The following ZNF469 variants were observed in gnomAD, a reference collection of about 807,000 sequenced individuals.
The protein encoded by ZNF469 is zinc finger protein 469.
In ZNF469, 1 loss-of-function variant was observed where a neutral mutation model predicts 1.0. The ratio of observed to expected loss-of-function variants is 1.00; its 90% CI spans 0.35 to 4.73. The LOEUF (loss-of-function observed/expected upper bound fraction) is 4.73. Among genes scored for constraint, ZNF469 ranks in the 30% most tolerant of loss-of-function variants. ZNF469 has a pLI of 0.16. For synonymous variants in ZNF469, 2,703 were observed against 2,363.4 expected (o/e 1.14, Z -4.17); for missense variants, 6,100 against 5,356.3 (o/e 1.14, Z -4.33).
chr16:88,428,084 C>T lies in ZNF469; in HGVS notation c.614C>T (p.Pro205Leu), dbSNP rs752980662. 6.5e-7 allele frequency: 1 copy of T among 1,549,926 alleles called. No individual in the cohort carries two copies. The highest frequency in any genetic ancestry group is 1.4e-5 in the African/African-American group (1 of 73,030). Reference protein sequence around the residue: ...NYTSPSATPRPPAPGPPQSRG... With the variant: ...NYTSPSATPRLPAPGPPQSRG... ...ACCTCACCAAGCGCCACCCCCAGGC[C>T]CCCAGCCCCGGGGCCCCCCCAGAGC... Residue 205 changes from proline to leucine, a missense_variant, in exon 3 of 3, where the codon CCC becomes CTC. Physicochemically the swap from Pro to Leu is moderately conservative, Grantham distance 98 (BLOSUM62 -3). Transcript: ENST00000565624.
At chr16:88,125,077 G>T in the ZNF469 span, among the ~76,000 whole-genome samples, 6 of 152,048 alleles carry the variant, frequency 3.9e-5, no homozygotes, top group African/African-American at 1.5e-4. Context: ...GTGAGGTGGG[G>T]TTCATATTTT....
At chr16:88,383,758 A>G in intron 1 of ZNF469, among the ~76,000 whole-genome samples, 1 of 151,796 alleles carries the variant, frequency 6.6e-6, no homozygotes, top group East Asian at 1.9e-4. Flanking sequence ...AGCGCGGCAT[A>G]GGCTTGCGAG....
Position 88,431,082 on chromosome 16 carries a change from G to T in ZNF469, c.3612G>T (p.Gln1204His). ...CAGTGGCCCCCAAGGATCCCCTGCA[G>T]GTCCCCACCAACACCGAGACCTCAG... Reference protein sequence around the residue: ...RPSVAPKDPLQVPTNTETSEE... With the variant: ...RPSVAPKDPLHVPTNTETSEE... Residue 1204 changes from glutamine to histidine, a missense_variant, in exon 3 of 3, where the codon CAG (glutamine) becomes CAT (histidine). Physicochemically the swap from Gln to His is conservative, Grantham distance 24. Transcript: ENST00000565624. 1 of 1,550,036 alleles carries T rather than the reference G, an allele frequency of 6.5e-7. No individual in the cohort carries two copies. Among genetic ancestry groups the T allele is most frequent in the Non-Finnish European group, 8.7e-7 (1 of 1,146,910 alleles).
the ZNF469 span, among the ~76,000 whole-genome samples, chr16:88,221,493 G>A: frequency 6.6e-6 from 1 of 152,352 alleles, no homozygotes; most frequent in South Asian, 2.1e-4. Flanking sequence ...AAGAATGCAT[G>A]GTCTCAGGGG....
chr16:88,402,147 G>A (rs62047077), intron 1 of ZNF469, among the ~76,000 whole-genome samples: 101,345 of 149,860 alleles, frequency 0.68, 34,545 homozygotes, highest in African/African-American at 0.82. Flanking sequence ...GAATGCATGG[G>A]TAGATGGATG....
rs1383959433 is a variant in ZNF469 at position 88,435,887 on chromosome 16, C to G, written c.8417C>G (p.Ser2806Cys). Reference sequence around the variant, plus strand: ...GGCCCCCTGGGTTTTCCCGAGACTTCCAGCTCTCCGGCGGACAGCACCACC... The same window carrying G: ...GGCCCCCTGGGTTTTCCCGAGACTTGCAGCTCTCCGGCGGACAGCACCACC... Reference protein sequence around the residue: ...PLGPLGFPETSSSPADSTTSS... With the variant: ...PLGPLGFPETCSSPADSTTSS... Residue 2806 changes from serine (S) to cysteine (C), a missense_variant, in exon 3 of 3, where the codon TCC (serine) becomes TGC (cysteine). Physicochemically the swap from Ser to Cys is moderately radical, Grantham distance 112. Transcript: ENST00000565624. 2 of 1,550,058 alleles carry G rather than the reference C, an allele frequency of 1.3e-6. No homozygotes were observed. The highest frequency in any genetic ancestry group is 2.4e-5 in the East Asian group (1 of 40,936).
In ZNF469 at chr16:88,437,434, C is replaced by G; in HGVS notation, c.9964C>G (p.Leu3322Val). ...SPDPWAGGEP[L>V]LQATPVHEAC... Reference sequence around the variant, plus strand: ...CGACCCCTGGGCCGGCGGGGAGCCCCTCCTGCAAGCCACCCCGGTGCACGA... The same window carrying G: ...CGACCCCTGGGCCGGCGGGGAGCCCGTCCTGCAAGCCACCCCGGTGCACGA... The change falls in exon 3 of 3, where the codon CTC becomes GTC. Residue 3322 changes from leucine to valine, a missense_variant. Leu to Val is a conservative substitution (Grantham distance 32). Coordinates refer to ENST00000565624, the MANE Select transcript of ZNF469 (RefSeq NM_001367624.2). 6.6e-7 allele frequency: 1 copy of G among 1,523,270 alleles called. No individual in the cohort carries two copies. Among genetic ancestry groups the G allele is most frequent in the Non-Finnish European group, 8.8e-7 (1 of 1,131,656 alleles). The allele number at this position is 1,523,270 out of a possible 1,614,324, so 94.4% of individuals were successfully genotyped here.
At chr16:88,281,376 T>A in the ZNF469 span, among the ~76,000 whole-genome samples, 1 of 150,004 alleles carries the variant, frequency 6.7e-6, no homozygotes, top group Non-Finnish European at 1.5e-5. Context: ...GTCAGTACCA[T>A]GTAGATATCA....
rs1905993451 is a variant in ZNF469 at position 88,429,714 on chromosome 16, C to T, written c.2244C>T (p.Ala748=). The change falls in exon 3 of 3, where the codon GCC becomes GCT. Residue 748 remains alanine, a synonymous_variant. Transcript: ENST00000565624. ...ACAGCAGCCTGGCGGCCTTCCTGGC[C>T]CACCGGCAGTTCTGTGGCCTGCTCC... The part of the protein sequence containing the change: ...RNYSSLAAFL[A]HRQFCGLLLA... The T allele has an allele frequency of 6.5e-7, 1 of 1,543,472 alleles. No homozygotes were observed. The highest frequency in any genetic ancestry group is 8.8e-7 in the Non-Finnish European group (1 of 1,142,846).
At chr16:88,185,980 GAC>G in the ZNF469 span, among the ~76,000 whole-genome samples, 3,813 of 152,204 alleles carry the variant, frequency 0.025, 113 homozygotes, top group East Asian at 0.086. Flanking sequence ...CTCGTGCCCA[GAC>G]ACACACACTC....
the ZNF469 span, among the ~76,000 whole-genome samples, chr16:88,319,375 G>A: frequency 4.5e-4 from 69 of 152,272 alleles, no homozygotes; most frequent in African/African-American, 1.7e-3. Context: ...ACTTTCTTGG[G>A]CGGAGCCACA....
chr16:88,264,058 G>A, the ZNF469 span, among the ~76,000 whole-genome samples: 7 of 152,008 alleles, frequency 4.6e-5, no homozygotes, highest in African/African-American at 1.7e-4. Context: ...CATGGAGCTC[G>A]GCCCCTGGGA....
At chr16:88,348,609 G>A in the ZNF469 span, among the ~76,000 whole-genome samples, 6,961 of 152,234 alleles carry the variant, frequency 0.046, 514 homozygotes, top group African/African-American at 0.16. Context: ...CCAGTGGACC[G>A]GGTCAAACAG....
At chr16:88,419,455 TCA>T (rs983617903) in intron 1 of ZNF469, among the ~76,000 whole-genome samples, 3 of 152,144 alleles carry the variant, frequency 2.0e-5, no homozygotes, top group Non-Finnish European at 4.4e-5. Flanking sequence ...TCTGTGAGCC[TCA>T]GTTTCCCCCA....
chr16:88,238,644 C>T, the ZNF469 span, among the ~76,000 whole-genome samples: 432 of 152,326 alleles, frequency 2.8e-3, 1 homozygote, highest in Non-Finnish European at 4.8e-3. Flanking sequence ...ATGTATATAT[C>T]TGAGAACATT....
chr16:88,188,320 A>G, the ZNF469 span, among the ~76,000 whole-genome samples: 1 of 152,006 alleles, frequency 6.6e-6, no homozygotes, highest in African/African-American at 2.4e-5. Flanking sequence ...GGTAGCATCT[A>G]GCACATCTTG....
At chr16:88,406,078 AG>A (rs1905020825) in intron 1 of ZNF469, among the ~76,000 whole-genome samples, 1 of 152,190 alleles carries the variant, frequency 6.6e-6, no homozygotes, top group Non-Finnish European at 1.5e-5. Context: ...AGGGCCTGGG[AG>A]GGAGCAGCCC....
the ZNF469 span, among the ~76,000 whole-genome samples, chr16:88,351,744 G>A: frequency 0.25 from 38,157 of 151,676 alleles, 6,577 homozygotes; most frequent in African/African-American, 0.48. Context: ...CCACCAGCAG[G>A]GTGCAGGGGG....
the ZNF469 span, among the ~76,000 whole-genome samples, chr16:88,149,740 G>A: frequency 3.3e-5 from 5 of 152,160 alleles, no homozygotes; most frequent in South Asian, 6.2e-4. Flanking sequence ...GCTCCTGGCT[G>A]CAGCTTTACC....
Sources: allele counts gnomAD v4.1 joint callset (sites outside exome capture counted in the v4.1 genomes callset), GRCh38; gene constraint gnomAD v4.1.1; transcripts MANE v1.5; gene names NCBI Gene and HGNC (gene_info 2026-07-23, HGNC 2026-07-21).